The following DCLK1 variants were observed in gnomAD, a reference collection of about 807,000 sequenced individuals.
DCLK1 encodes doublecortin like kinase 1.
DCLK1 carries 16 observed loss-of-function variants against 86.2 expected under a neutral mutation model. The observed-to-expected ratio is 0.19, with a 90% CI of 0.13 to 0.28. The LOEUF is 0.28. DCLK1 is among the 10% of genes least tolerant of loss of function. The pLI, the probability that DCLK1 is intolerant of heterozygous loss-of-function variation, is 1.00. For synonymous variants in DCLK1, 369 were observed against 370.5 expected (o/e 1.00, Z 0.05); for missense variants, 590 against 940.2 (o/e 0.63, Z 4.87).
chr13:35,866,304 A>G (rs1317294612), intron 5 of DCLK1, among the ~76,000 whole-genome samples: 1 of 152,244 alleles, frequency 6.6e-6, no homozygotes, highest in African/African-American at 2.4e-5. Context: ...TCATAGCAGC[A>G]TAGCCCGAAA....
At chr13:36,091,007 C>G (rs1470529972) in intron 3 of DCLK1, among the ~76,000 whole-genome samples, 1 of 152,192 alleles carries the variant, frequency 6.6e-6, no homozygotes, top group Non-Finnish European at 1.5e-5. Context: ...AGTGTCTGTT[C>G]ATGTCCTTCA....
chr13:36,050,940 G>C (rs1179790432), intron 3 of DCLK1, among the ~76,000 whole-genome samples: 1 of 152,068 alleles, frequency 6.6e-6, no homozygotes, highest in East Asian at 1.9e-4. Context: ...AACATGAAAA[G>C]TTAAACTTGG....
chr13:36,122,601 G>C (rs1886032368), intron 2 of DCLK1, among the ~76,000 whole-genome samples: 1 of 152,104 alleles, frequency 6.6e-6, no homozygotes, highest in Admixed American at 6.5e-5. Context: ...CCTACCTACA[G>C]TAGAATATAG....
chr13:36,039,930 A>AT (rs1003205144), intron 3 of DCLK1, among the ~76,000 whole-genome samples: 182 of 143,144 alleles, frequency 1.3e-3, no homozygotes, highest in Middle Eastern at 0.011. Context: ...TTTAAACTTA[A>AT]TTTTTTTTTT....
intron 5 of DCLK1, among the ~76,000 whole-genome samples, chr13:35,861,829 A>G (rs1022529929): frequency 6.9e-6 from 1 of 144,194 alleles, no homozygotes; most frequent in Non-Finnish European, 1.6e-5. Context: ...GATCGAGACC[A>G]CCCTGGATAA....
At chr13:36,126,493 G>A (rs984620521) in intron 1 of DCLK1, among the ~76,000 whole-genome samples, 1 of 152,042 alleles carries the variant, frequency 6.6e-6, no homozygotes, top group Non-Finnish European at 1.5e-5. Context: ...TGAATCCCTG[G>A]CCTCAAGTGA....
At chr13:35,906,936 T>A (rs1874720999) in intron 4 of DCLK1, among the ~76,000 whole-genome samples, 1 of 152,130 alleles carries the variant, frequency 6.6e-6, no homozygotes, top group Non-Finnish European at 1.5e-5. Flanking sequence ...GGACACAGCA[T>A]CTGCTCCAAG....
At chr13:36,015,007 TC>T (rs1555356855) in intron 3 of DCLK1, among the ~76,000 whole-genome samples, 1 of 1,078 alleles carries the variant, frequency 9.3e-4, no homozygotes. Flanking sequence ...TCTCTCTTTC[TC>T]TCTCTCTCTC....
At chr13:35,861,672 C>A (rs940033903) in intron 5 of DCLK1, among the ~76,000 whole-genome samples, 1 of 143,002 alleles carries the variant, frequency 7.0e-6, no homozygotes, top group African/African-American at 2.5e-5. Flanking sequence ...CTTTCTGCCC[C>A]TTTGACTTCT....
At chr13:35,892,848 A>T (rs1224753922) in intron 4 of DCLK1, among the ~76,000 whole-genome samples, 1 of 152,200 alleles carries the variant, frequency 6.6e-6, no homozygotes, top group Non-Finnish European at 1.5e-5. Context: ...TGTATATTTC[A>T]GCATAAGGTA....
intron 3 of DCLK1, among the ~76,000 whole-genome samples, chr13:36,030,387 C>T (rs572690580): frequency 2.6e-5 from 4 of 152,130 alleles, no homozygotes; most frequent in African/African-American, 9.6e-5. Context: ...GCCTCTGCCT[C>T]CTGGGTTCAA....
At chr13:36,053,238 C>T (rs963815971) in intron 3 of DCLK1, among the ~76,000 whole-genome samples, 2 of 152,062 alleles carry the variant, frequency 1.3e-5, no homozygotes, top group Non-Finnish European at 2.9e-5. Context: ...AGGTACTAGG[C>T]GGCCACTGGA....
At chr13:35,892,599 A>T (rs975595505) in intron 4 of DCLK1, among the ~76,000 whole-genome samples, 1 of 152,252 alleles carries the variant, frequency 6.6e-6, no homozygotes, top group Non-Finnish European at 1.5e-5. Context: ...ATAATTAAAC[A>T]AAATATATTG....
intron 3 of DCLK1, among the ~76,000 whole-genome samples, chr13:35,967,635 G>T (rs370010738): frequency 6.6e-6 from 1 of 151,924 alleles, no homozygotes; most frequent in Non-Finnish European, 1.5e-5. Flanking sequence ...CAGCATACTC[G>T]TTAAGAGTCA....
intron 15 of DCLK1, among the ~76,000 whole-genome samples, chr13:35,798,965 A>G (rs1006002489): frequency 6.6e-6 from 1 of 151,990 alleles, no homozygotes; most frequent in African/African-American, 2.4e-5. Flanking sequence ...TTTTCAAAAG[A>G]GTATGTAGGT....
intron 12 of DCLK1, 61 bp downstream of exon 12, chr13:35,810,772 CTA>C: frequency 1.9e-6 from 3 of 1,582,554 alleles, no homozygotes; most frequent in Non-Finnish European, 2.6e-6. Context: ...ACTATTTTTC[CTA>C]TTCTCGAAGC....
intron 3 of DCLK1, among the ~76,000 whole-genome samples, chr13:35,963,720 C>T (rs1192256654): frequency 6.6e-6 from 1 of 152,132 alleles, no homozygotes; most frequent in Non-Finnish European, 1.5e-5. Context: ...ATGCTGTTCT[C>T]GTGATAGTGA....
chr13:35,994,772 A>G (rs1880400830), intron 3 of DCLK1, among the ~76,000 whole-genome samples: 1 of 152,222 alleles, frequency 6.6e-6, no homozygotes, highest in East Asian at 1.9e-4. Context: ...GAACTTCTGA[A>G]CCTGACCTAA....
chr13:35,999,025 A>C (rs1891672), intron 3 of DCLK1, among the ~76,000 whole-genome samples: 108,120 of 152,072 alleles, frequency 0.71, 38,931 homozygotes, highest in Admixed American at 0.77. Flanking sequence ...GAGGCCACTG[A>C]AGGCAGATCA....
Sources: allele counts gnomAD v4.1 joint callset (sites outside exome capture counted in the v4.1 genomes callset), GRCh38; gene constraint gnomAD v4.1.1; transcripts MANE v1.5; gene names NCBI Gene and HGNC (gene_info 2026-07-23, HGNC 2026-07-21).